ARPP21: variants seen among roughly 807,000 people sequenced by gnomAD.
ARPP21 encodes the protein cAMP-regulated phosphoprotein 21.
A neutral mutation model predicts 113.2 loss-of-function variants in ARPP21; 69 were observed. The ratio of observed to expected loss-of-function variants is 0.61; its 90% confidence interval spans 0.50 to 0.74. The LOEUF (loss-of-function observed/expected upper bound fraction) is 0.74, where lower values mean the gene tolerates loss of function less well. ARPP21 is among the 30% of genes least tolerant of loss of function. ARPP21 has a pLI of 0.00. For synonymous variants in ARPP21, 368 were observed against 375.5 expected, an observed-to-expected ratio of 0.98 and a Z score of 0.23; for missense variants, 1,070 against 1,037.4, an observed-to-expected ratio of 1.03 and a Z score of -0.43.
intron 18 of ARPP21, among the ~76,000 whole-genome samples, chr3:35,741,763 CTTCA>C (rs1453865005): frequency 6.6e-6 from 1 of 151,982 alleles, no homozygotes; most frequent in Non-Finnish European, 1.5e-5. Flanking sequence ...TCCTTTCTCC[CTTCA>C]CCTCTCTCCT....
At chr3:35,728,255 G>C (rs1365664843) in intron 14 of ARPP21, among the ~76,000 whole-genome samples, 1 of 110,502 alleles carries the variant, frequency 9.0e-6, no homozygotes, top group Admixed American at 1.4e-4. Context: ...GTCTGACTCT[G>C]TCGCCCAGGC....
intron 13 of ARPP21, among the ~76,000 whole-genome samples, chr3:35,717,991 G>A (rs1349350284): frequency 6.6e-6 from 1 of 152,080 alleles, no homozygotes; most frequent in African/African-American, 2.4e-5. Flanking sequence ...CCATTGTAGA[G>A]AAAAGTGTAC....
intron 19 of ARPP21, among the ~76,000 whole-genome samples, chr3:35,758,502 T>C (rs2095651575): frequency 6.6e-6 from 1 of 152,024 alleles, no homozygotes; most frequent in Non-Finnish European, 1.5e-5. Flanking sequence ...CTCACACTCT[T>C]TGAGTTGGAG....
At chr3:35,777,579 GTACTAAACTTGAGACTAAC>G (rs1346365430) in intron 19 of ARPP21, among the ~76,000 whole-genome samples, 2 of 152,282 alleles carry the variant, frequency 1.3e-5, no homozygotes, top group East Asian at 3.9e-4. Context: ...ATGGCTAAAT[GTACTAAACTTGAGACTAAC>G]TTCCAGTATA....
At chr3:35,672,869 G>C (rs982019270) in intron 1 of ARPP21, among the ~76,000 whole-genome samples, 2 of 152,022 alleles carry the variant, frequency 1.3e-5, no homozygotes, top group Non-Finnish European at 1.5e-5. Flanking sequence ...GCAATGAATA[G>C]ATGTATTTGA....
intron 19 of ARPP21, among the ~76,000 whole-genome samples, chr3:35,770,138 C>G (rs370982932): frequency 6.6e-6 from 1 of 152,286 alleles, no homozygotes; most frequent in South Asian, 2.1e-4. Context: ...TTTATATTCC[C>G]TGGGATGAAA....
At position 35,667,907 on chromosome 3, in the gene ARPP21, GA is replaced by G. The variant is rs1559548192; in HGVS notation, c.-212-11879del. ...AGAAGAAGAGGAAGAGGAAGAGGAA[GA>G]GGAAGGAGGAGGAGGAGGAGGAGGA... On this transcript the variant is annotated intron_variant, in intron 1 of 20. Coordinates refer to ENST00000684406, the MANE Select transcript of ARPP21 (RefSeq NM_001385562.1). Among the ~76,000 whole-genome samples, 34 of 66,880 alleles carry G rather than the reference GA, an allele frequency of 5.1e-4. 2 individuals carry two copies. Among genetic ancestry groups the G allele is most frequent in the African/African-American group, 3.0e-3 (32 of 10,600 alleles). 43.9% of individuals were successfully genotyped at this position (66,880 alleles called of 152,430 possible).
At chr3:35,728,708 T>C (rs1173538757) in intron 14 of ARPP21, among the ~76,000 whole-genome samples, 1 of 152,156 alleles carries the variant, frequency 6.6e-6, no homozygotes, top group African/African-American at 2.4e-5. Flanking sequence ...AAAGGGATCC[T>C]ATTTGATTTT....
chr3:35,640,514 TTTC>T (rs1697674713), intron 1 of ARPP21, 116 bp downstream of exon 1: 1 of 152,188 alleles, frequency 6.6e-6, no homozygotes, highest in Non-Finnish European at 1.5e-5. Flanking sequence ...CTTGTCTGTA[TTTC>T]TTCTTCGTGT....
chr3:35,662,142 AGT>A (rs1708119526), intron 1 of ARPP21, among the ~76,000 whole-genome samples: 1 of 152,176 alleles, frequency 6.6e-6, no homozygotes, highest in Non-Finnish European at 1.5e-5. Context: ...AAAGAATCAT[AGT>A]GTGTGTGGTT....
At position 35,739,348 on chromosome 3, in the gene ARPP21, T is replaced by C. The variant is rs763768472; in HGVS notation, c.1781T>C (p.Met594Thr). 23 of 1,614,162 alleles carry C rather than the reference T, an allele frequency of 1.4e-5. 1 individual carries two copies. The South Asian group carries it at 2.3e-4, about 16-fold the overall frequency. ...RDDVATQFGQMTLSRQSSGET... is the reference protein window; with the variant it reads ...RDDVATQFGQTTLSRQSSGET... Reference sequence around the variant, plus strand: ...GATGTGGCAACACAGTTTGGCCAGATGACCCTGAGCCGGCAGTCCTCGGGG... The same window carrying C: ...GATGTGGCAACACAGTTTGGCCAGACGACCCTGAGCCGGCAGTCCTCGGGG... Residue 594 changes from methionine to threonine, a missense_variant, in exon 18 of 21, where the codon ATG (methionine) becomes ACG (threonine). By Grantham distance (81) the Met-to-Thr change is moderately conservative. Transcript: ENST00000684406.
intron 14 of ARPP21, among the ~76,000 whole-genome samples, chr3:35,728,007 A>G (rs945282038): frequency 6.6e-6 from 1 of 152,042 alleles, no homozygotes; most frequent in Admixed American, 6.6e-5. Context: ...AAACATCACG[A>G]TTATTTTACT....
At chr3:35,756,452 C>G (rs1235923345) in intron 19 of ARPP21, among the ~76,000 whole-genome samples, 1 of 151,998 alleles carries the variant, frequency 6.6e-6, no homozygotes, top group African/African-American at 2.4e-5. Flanking sequence ...ATTTATGCTC[C>G]TGTCCAAAGC....
intron 19 of ARPP21, among the ~76,000 whole-genome samples, chr3:35,778,295 C>G (rs1276851333): frequency 6.6e-6 from 1 of 152,138 alleles, no homozygotes; most frequent in African/African-American, 2.4e-5. Context: ...TCTCCTGACC[C>G]CATGAGCTGC....
intron 19 of ARPP21, among the ~76,000 whole-genome samples, chr3:35,777,170 G>C (rs568102253): frequency 1.3e-5 from 2 of 152,206 alleles, no homozygotes; most frequent in East Asian, 3.9e-4. Flanking sequence ...CCAACACCCA[G>C]TTTGTTCTAA....
At chr3:35,658,319 C>T (rs529957083) in intron 1 of ARPP21, among the ~76,000 whole-genome samples, 1 of 152,086 alleles carries the variant, frequency 6.6e-6, no homozygotes, top group African/African-American at 2.4e-5. Flanking sequence ...TTTCTTCTTC[C>T]CTCCATGAGT....
At chr3:35,714,081 C>G (rs1336840399) in intron 11 of ARPP21, among the ~76,000 whole-genome samples, 2 of 152,162 alleles carry the variant, frequency 1.3e-5, no homozygotes, top group African/African-American at 4.8e-5. Context: ...ATGCTTGTTT[C>G]CCTTTCATAT....
At chr3:35,715,712 T>G in intron 12 of ARPP21, 1 of 328,576 alleles carries the variant, frequency 3.0e-6, no homozygotes, top group Non-Finnish European at 5.6e-6. Context: ...TTTTCTTATT[T>G]AAAGTCTCAA....
intron 1 of ARPP21, among the ~76,000 whole-genome samples, chr3:35,647,326 G>T (rs1023595978): frequency 2.0e-5 from 3 of 152,080 alleles, no homozygotes; most frequent in East Asian, 1.9e-4. Context: ...AGAAATAATT[G>T]TAATGCCTGT....
Sources: allele counts gnomAD v4.1 joint callset (sites outside exome capture counted in the v4.1 genomes callset), GRCh38; gene constraint gnomAD v4.1.1; transcripts MANE v1.5; gene names NCBI Gene and HGNC (gene_info 2026-07-23, HGNC 2026-07-21).